PUS10: variants seen among roughly 807,000 people sequenced by gnomAD.
PUS10 encodes the protein tRNA pseudouridine synthase Pus10.
Under a neutral mutation model 75.0 loss-of-function variants are expected in PUS10, and 59 were observed. That is an observed-to-expected ratio of 0.79 (90% CI 0.64 to 0.98). The LOEUF is 0.98. PUS10 is among the 50% of genes least tolerant of loss of function. The pLI is 0.00. For synonymous variants in PUS10, 219 were observed against 211.6 expected (o/e 1.03, Z -0.30); for missense variants, 650 against 614.4 (o/e 1.06, Z -0.61).
chr2:61,011,092 T>C (rs1679567246), intron 2 of PUS10, among the ~76,000 whole-genome samples: 1 of 152,220 alleles, frequency 6.6e-6, no homozygotes, highest in South Asian at 2.1e-4. Context: ...TGTGTGTATA[T>C]GTTGTATACA....
chr2:61,015,169 A>C (rs1199672629), intron 1 of PUS10, among the ~76,000 whole-genome samples: 5 of 152,184 alleles, frequency 3.3e-5, no homozygotes, highest in African/African-American at 1.2e-4. Context: ...GGTATTTTCA[A>C]GAAAGAAAAC....
rs573446121 is a variant in PUS10 at position 61,003,247 on chromosome 2, C to T, written c.468+3310G>A. On this transcript the variant is annotated intron_variant, in intron 4 of 17. Coordinates refer to ENST00000316752, the MANE Select transcript of PUS10 (RefSeq NM_144709.4). ...GAGGCCGAGGCGGGCAGATCACTTG[C>T]GATCAGGAGTTTGAGACCAGCCTGA... is the stretch of plus-strand genomic sequence containing the variant. Among the ~76,000 whole-genome samples the T allele has an allele frequency of 3.9e-5, 6 of 152,082 alleles. No homozygotes were observed. In the South Asian group the frequency reaches 1.2e-3, roughly 32 times the overall value.
At chr2:60,979,797 G>C (rs886092987) in intron 4 of PUS10, among the ~76,000 whole-genome samples, 13 of 152,232 alleles carry the variant, frequency 8.5e-5, no homozygotes, top group African/African-American at 3.1e-4. Context: ...CTTTTAGATA[G>C]CATTGAAAAG....
At chr2:60,987,856 A>C (rs1191567742) in intron 4 of PUS10, among the ~76,000 whole-genome samples, 1 of 151,936 alleles carries the variant, frequency 6.6e-6, no homozygotes, top group African/African-American at 2.4e-5. Flanking sequence ...GAGGCATACT[A>C]AACTGGCAGT....
chr2:60,960,559 A>C (rs746512385), intron 10 of PUS10, 42 bp from the exon 11 acceptor site: 2 of 1,527,360 alleles, frequency 1.3e-6, no homozygotes, highest in South Asian at 1.3e-5. Flanking sequence ...GAATGGAGTA[A>C]TTAACATGGT....
chr2:60,946,338 A>C (rs1674942624), intron 16 of PUS10, among the ~76,000 whole-genome samples: 1 of 152,216 alleles, frequency 6.6e-6, no homozygotes, highest in Non-Finnish European at 1.5e-5. Flanking sequence ...AAATTAATAT[A>C]CTTCTGTGTA....
chr2:61,018,190 C>T lies in PUS10; in HGVS notation c.-198G>A, dbSNP rs919426954. 16 of 1,550,822 alleles carry T rather than the reference C, an allele frequency of 1.0e-5. 1 individual carries two copies. The highest frequency in any genetic ancestry group is 3.3e-4 in the Middle Eastern group (2 of 6,012). The stretch of plus-strand genomic sequence containing the variant: ...GGCTTCTCTATCTTTAAAGCGTAGA[C>T]TTTGGTCTGTAGCAGTTGAGAGCGG... On this transcript the variant is annotated 5_prime_UTR_variant, in exon 1 of 18. Transcript: ENST00000316752.
At chr2:61,008,217 CT>C (rs984444215) in intron 3 of PUS10, among the ~76,000 whole-genome samples, 4 of 151,080 alleles carry the variant, frequency 2.6e-5, no homozygotes, top group African/African-American at 9.7e-5. Context: ...GAGATCCTGC[CT>C]CTACAAAAAG....
Position 61,017,813 on chromosome 2 carries a change from G to A in PUS10, c.-16+195C>T, listed in dbSNP as rs1002699754. ...AACCCTGGGAGACCCGCCGAATTCC[G>A]GGAGCCGGACCGGGACCAGGACCGG... On this transcript the variant is annotated intron_variant, in intron 1 of 17. Coordinates refer to ENST00000316752, the MANE Select transcript of PUS10 (RefSeq NM_144709.4). 2.6e-6 allele frequency: 4 copies of A among 1,550,448 alleles called. No homozygotes were observed. In the Admixed American group the frequency reaches 5.9e-5, roughly 23 times the overall value.
intron 4 of PUS10, among the ~76,000 whole-genome samples, chr2:60,988,876 A>C (rs1390381606): frequency 1.3e-5 from 2 of 151,118 alleles, no homozygotes; most frequent in Non-Finnish European, 2.9e-5. Flanking sequence ...TCCTGACCTC[A>C]GGTGATCCAC....
At chr2:60,996,212 C>T (rs1034485031) in intron 4 of PUS10, among the ~76,000 whole-genome samples, 1 of 152,158 alleles carries the variant, frequency 6.6e-6, no homozygotes, top group African/African-American at 2.4e-5. Context: ...GTGCCAGCAC[C>T]CCAATAACGA....
At chr2:60,956,414 A>G (rs1249826866) in intron 11 of PUS10, among the ~76,000 whole-genome samples, 1 of 152,226 alleles carries the variant, frequency 6.6e-6, no homozygotes, top group Non-Finnish European at 1.5e-5. Flanking sequence ...TCTCCCGGTC[A>G]GCCCCGTCAG....
At chr2:60,996,330 C>T (rs921757878) in intron 4 of PUS10, among the ~76,000 whole-genome samples, 1 of 152,170 alleles carries the variant, frequency 6.6e-6, no homozygotes, top group African/African-American at 2.4e-5. Context: ...AATCACATGT[C>T]ACTCACTCTT....
At chr2:60,965,165 C>T (rs1676258511) in intron 7 of PUS10, 62 bp from the exon 8 acceptor site, 8 of 1,490,366 alleles carry the variant, frequency 5.4e-6, no homozygotes, top group Non-Finnish European at 6.5e-6. Context: ...AGATATAATT[C>T]AAATATATTT....
At chr2:60,963,673 A>G (rs1298839600) in intron 8 of PUS10, among the ~76,000 whole-genome samples, 1 of 152,220 alleles carries the variant, frequency 6.6e-6, no homozygotes, top group East Asian at 1.9e-4. Flanking sequence ...TCTAGGGAAC[A>G]CTATGGCATT....
intron 4 of PUS10, among the ~76,000 whole-genome samples, chr2:61,003,966 C>G (rs1251402580): frequency 6.6e-6 from 1 of 152,150 alleles, no homozygotes; most frequent in Non-Finnish European, 1.5e-5. Flanking sequence ...TAATCTACTT[C>G]TTAGAAGTGG....
intron 4 of PUS10, among the ~76,000 whole-genome samples, chr2:60,976,065 C>G (rs1411242625): frequency 6.6e-6 from 1 of 152,058 alleles, no homozygotes; most frequent in Non-Finnish European, 1.5e-5. Context: ...CCTGGCCCAG[C>G]CTCCTTCTTT....
intron 1 of PUS10, among the ~76,000 whole-genome samples, chr2:61,015,437 T>G (rs952643333): frequency 6.6e-6 from 1 of 151,848 alleles, no homozygotes; most frequent in East Asian, 1.9e-4. Context: ...TAGGTGGAGG[T>G]TGCAGTAAGC....
In PUS10 at chr2:60,948,094, T is replaced by C; in HGVS notation, c.1400A>G (p.Gln467Arg). 2 of 1,614,128 alleles carry C rather than the reference T, an allele frequency of 1.2e-6. No homozygotes were observed. The highest frequency in any genetic ancestry group is 1.1e-5 in the South Asian group (1 of 91,088). Residue 467 changes from glutamine to arginine, a missense_variant, in exon 16 of 18, where the codon CAG (glutamine) becomes CGG (arginine). Physicochemically the swap from Gln to Arg is conservative, Grantham distance 43 (BLOSUM62 1). Coordinates refer to ENST00000316752, the MANE Select transcript of PUS10 (RefSeq NM_144709.4). ...GCGGAAGTGGTGCTCATCCACGTAC[T>C]GTGTCTCCATGAAGTGAATGACGCG... ...RARVIHFMETQYVDEHHFRLH... is the reference protein window; with the variant it reads ...RARVIHFMETRYVDEHHFRLH...
Sources: gnomAD v4.1 joint callset for allele counts (sites outside exome capture counted in the v4.1 genomes callset) on GRCh38, gnomAD v4.1.1 for gene constraint, MANE v1.5 for transcripts, NCBI Gene and HGNC (gene_info 2026-07-23, HGNC 2026-07-21) for gene names.